The following GMPR2 variants were observed in gnomAD, a reference collection of about 807,000 sequenced individuals.
GMPR2 encodes the protein GMP reductase 2.
In GMPR2, 32 loss-of-function variants were observed where a neutral mutation model predicts 38.5. The observed-to-expected ratio is 0.83, with a 90% CI of 0.63 to 1.12. The LOEUF is 1.12. Among genes scored for constraint, GMPR2 ranks in the 50% most tolerant of loss-of-function variants. The probability of loss-of-function intolerance (pLI) is 0.00; values close to 1 mark genes in which losing one functional copy is unlikely to be tolerated. For missense variants in GMPR2, 396 were observed against 432.1 expected, an observed-to-expected ratio of 0.92 and a Z score of 0.74; for synonymous variants, 154 against 151.0, an observed-to-expected ratio of 1.02 and a Z score of -0.15.
At chr14:24,233,159 G>A in intron 1 of GMPR2, 60 bp from the exon 2 acceptor site, 1 of 1,609,710 alleles carries the variant, frequency 6.2e-7, no homozygotes, top group Non-Finnish European at 8.5e-7. Context: ...GAGGCCACCA[G>A]CCGTAACAGG....
chr14:24,239,187 T>A lies in GMPR2; in HGVS notation c.*409T>A, dbSNP rs1489961191. ...GGACCTTCACATATCTAAAAAGCTC[T>A]GAAGTGTTTGTATATTTGAAATACC... On this transcript the variant is annotated 3_prime_UTR_variant, in exon 10 of 10. Coordinates refer to ENST00000399440, the MANE Select transcript of GMPR2 (RefSeq NM_001002002.3). 1 of 367,186 alleles carries A rather than the reference T, an allele frequency of 2.7e-6. No homozygotes were observed. The highest frequency in any genetic ancestry group is 2.1e-5 in the African/African-American group (1 of 46,964). The allele number at this position is 367,186 out of a possible 1,614,324, so 22.7% of individuals were successfully genotyped here.
At chr14:24,236,187 G>A in intron 5 of GMPR2, 47 bp downstream of exon 5, 1 of 1,463,896 alleles carries the variant, frequency 6.8e-7, no homozygotes, top group Non-Finnish European at 9.5e-7. Flanking sequence ...CCACTTTCCT[G>A]CCACTCCGTT....
chr14:24,232,979 T>A lies in GMPR2; in HGVS notation c.-36+2T>A. ...GGTAGAAGAAGGAAGTGTAGCGGGGTAAGGAATGCACCGTCAGGGTCTCTC... is the reference window on the plus strand; with the variant it reads ...GGTAGAAGAAGGAAGTGTAGCGGGGAAAGGAATGCACCGTCAGGGTCTCTC... On this transcript the variant is annotated splice_donor_variant, in intron 1 of 9. Transcript: ENST00000399440. LOFTEE classifies it low-confidence loss of function (5UTR_SPLICE). The A allele has an allele frequency of 3.5e-6, 2 of 567,424 alleles. No individual in the cohort carries two copies. Among genetic ancestry groups the A allele is most frequent in the Middle Eastern group, 4.7e-4 (1 of 2,110 alleles). 35.1% of individuals were successfully genotyped at this position (567,424 alleles called of 1,614,324 possible).
chr14:24,238,651 A>G lies in GMPR2; in HGVS notation c.920A>G (p.Asp307Gly), dbSNP rs1457710904. ...FKGDVEHTIRDILGGIRSTCT... is the reference protein window; with the variant it reads ...FKGDVEHTIRGILGGIRSTCT... ...GGAGATGTGGAACATACCATCCGAG[A>G]CATCCTAGGAGGGATCCGCTCTACG... The change falls in exon 10 of 10, where the codon GAC becomes GGC. Residue 307 changes from aspartate to glycine, a missense_variant. Physicochemically the swap from Asp to Gly is moderately conservative, Grantham distance 94. Transcript: ENST00000399440. The G allele has an allele frequency of 6.2e-7, 1 of 1,613,934 alleles. No homozygotes were observed. The highest frequency in any genetic ancestry group is 2.2e-5 in the East Asian group (1 of 44,886).
chr14:24,237,037 C>T (rs372826919), intron 5 of GMPR2, 34 bp from the exon 6 acceptor site: 22 of 1,535,746 alleles, frequency 1.4e-5, no homozygotes, highest in Non-Finnish European at 1.9e-5. Flanking sequence ...GTTTCTGGCC[C>T]TAAGGATGCT....
chr14:24,232,961 G>C lies in GMPR2; in HGVS notation c.-52G>C, dbSNP rs1036013742. On this transcript the variant is annotated 5_prime_UTR_variant, in exon 1 of 10. Coordinates refer to ENST00000399440, the MANE Select transcript of GMPR2 (RefSeq NM_001002002.3). ...CCCATTGCTCTTTGCAGGGGTAGAA[G>C]AAGGAAGTGTAGCGGGGTAAGGAAT... The C allele has an allele frequency of 6.9e-5, 38 of 547,994 alleles. 1 individual carries two copies. Among genetic ancestry groups the C allele is most frequent in the Non-Finnish European group, 1.6e-5 (5 of 304,758 alleles). The allele number at this position is 547,994 out of a possible 1,614,324, so 33.9% of individuals were successfully genotyped here. A position where few individuals can be genotyped will look rare whatever the true frequency, so the allele number is the denominator to read the frequency against.
intron 3 of GMPR2, among the ~76,000 whole-genome samples, chr14:24,234,400 G>A (rs141855351): frequency 1.5e-4 from 23 of 152,290 alleles, no homozygotes; most frequent in African/African-American, 5.3e-4. Flanking sequence ...GGAATGTCTT[G>A]TCATTTCTTT....
intron 1 of GMPR2, 59 bp from the exon 2 acceptor site, chr14:24,233,160 C>T: frequency 1.2e-6 from 2 of 1,609,576 alleles, no homozygotes; most frequent in Non-Finnish European, 1.7e-6. Context: ...AGGCCACCAG[C>T]CGTAACAGGG....
chr14:24,235,761 AAGCACTAT>A lies in GMPR2; in HGVS notation c.236_243del (p.His79ProfsTer13). 1 of 1,613,302 alleles carries A rather than the reference AAGCACTAT, an allele frequency of 6.2e-7. No homozygotes were observed. The highest frequency in any genetic ancestry group is 2.2e-5 in the East Asian group (1 of 44,882). On this transcript the variant is annotated frameshift_variant, in exon 4 of 10. Transcript: ENST00000399440. LOFTEE classifies it high-confidence loss of function. Reference sequence around the variant, plus strand: ...GTTCTCTCTCTTCACTGCTGTCCATAAGCACTATAGCCTCGTTCAGTGGCAAGAGTTTG... The same window carrying A: ...GTTCTCTCTCTTCACTGCTGTCCATAAGCCTCGTTCAGTGGCAAGAGTTTG...
chr14:24,236,184 C>T, intron 5 of GMPR2, 44 bp downstream of exon 5: 1 of 1,470,262 alleles, frequency 6.8e-7, no homozygotes, highest in South Asian at 1.2e-5. Flanking sequence ...TTTCCACTTT[C>T]CTGCCACTCC....
chr14:24,234,201 T>C, intron 3 of GMPR2: 1 of 1,289,576 alleles, frequency 7.8e-7, no homozygotes, highest in Non-Finnish European at 1.0e-6. Flanking sequence ...ATGCTGCTCC[T>C]GTCAGTACTA....
At chr14:24,233,053 G>C (rs2040128968) in intron 1 of GMPR2, 76 bp downstream of exon 1, 11 of 780,566 alleles carry the variant, frequency 1.4e-5, no homozygotes, top group Non-Finnish European at 1.9e-5. Flanking sequence ...CTGGGATGGA[G>C]CCCTAGGGTA....
At chr14:24,232,708 G>A (rs2040101499), upstream of GMPR2, 1 of 221,920 alleles carries the variant, frequency 4.5e-6, no homozygotes, top group Non-Finnish European at 9.2e-6. Context: ...GCCGAAGCTG[G>A]AATTCGTCGG....
Position 24,238,562 on chromosome 14 carries a change from A to G in GMPR2, c.858-27A>G, listed in dbSNP as rs781367079. 8 of 1,613,930 alleles carry G rather than the reference A, an allele frequency of 5.0e-6. No individual in the cohort carries two copies. The African/African-American group carries it at 1.1e-4, about 22-fold the overall frequency. Reference sequence around the variant, plus strand: ...TGGGCTTAAGGAATCCAGAAGGAGAAGATAATAAAGTTTTTCCTACTTTAA... The same window carrying G: ...TGGGCTTAAGGAATCCAGAAGGAGAGGATAATAAAGTTTTTCCTACTTTAA... On this transcript the variant is annotated intron_variant, in intron 9 of 9. Transcript: ENST00000399440.
At chr14:24,237,446 T>G in intron 7 of GMPR2, 74 bp from the exon 8 acceptor site, 3 of 1,546,878 alleles carry the variant, frequency 1.9e-6, no homozygotes, top group Non-Finnish European at 2.7e-6. Flanking sequence ...TTGTTGGCTT[T>G]GAGTTGGGCT....
chr14:24,233,678 C>A, intron 3 of GMPR2, 80 bp downstream of exon 3: 1 of 1,462,628 alleles, frequency 6.8e-7, no homozygotes, highest in Non-Finnish European at 9.6e-7. Context: ...TCCCCACCCC[C>A]ATGCCCAGTC....
chr14:24,233,623 C>T (rs1415710822), intron 3 of GMPR2, 25 bp downstream of exon 3: 1 of 1,613,644 alleles, frequency 6.2e-7, no homozygotes, highest in South Asian at 1.1e-5. Context: ...ATGCCCCATC[C>T]CTATTGGTGT....
chr14:24,236,852 G>A, intron 5 of GMPR2: 1 of 500,076 alleles, frequency 2.0e-6, no homozygotes, highest in Non-Finnish European at 3.6e-6. Flanking sequence ...GGTGACATTG[G>A]CCACTCACTC....
Position 24,235,128 on chromosome 14 carries a change from T to G in GMPR2, c.208-609T>G, listed in dbSNP as rs1370472429. On this transcript the variant is annotated intron_variant, in intron 3 of 9. Transcript: ENST00000399440. ...TGATGAGTCATTATGTCCTTGAACT[T>G]TATTAAAATGGACTGAATGAAACAG... 2.0e-5 allele frequency among the ~76,000 whole-genome samples: 3 copies of G among 152,234 alleles called. No individual in the cohort carries two copies. In the East Asian group the frequency reaches 5.8e-4, roughly 29 times the overall value.
Sources: allele counts gnomAD v4.1 joint callset (sites outside exome capture counted in the v4.1 genomes callset), GRCh38; gene constraint gnomAD v4.1.1; transcripts MANE v1.5; gene names NCBI Gene and HGNC (gene_info 2026-07-23, HGNC 2026-07-21).